Variants in SND1 observed in about 807,000 individuals in gnomAD.
The protein encoded by SND1 is staphylococcal nuclease and tudor domain containing 1, also known as staphylococcal nuclease domain-containing protein 1.
Under a neutral mutation model 121.7 loss-of-function variants are expected in SND1, and 38 were observed. The observed-to-expected ratio is 0.31, with a 90% CI of 0.24 to 0.41. The LOEUF is 0.41. Ranked by LOEUF, SND1 falls within the 10% of genes least tolerant of loss-of-function variation. The pLI, the probability that SND1 is intolerant of heterozygous loss-of-function variation, is 1.00. For synonymous variants in SND1, 401 were observed against 447.4 expected, an observed-to-expected ratio of 0.90 and a Z score of 1.31; for missense variants, 868 against 1,184.6, an observed-to-expected ratio of 0.73 and a Z score of 3.92.
chr7:127,993,572 G>A (rs535308407), intron 16 of SND1, among the ~76,000 whole-genome samples: 2 of 152,386 alleles, frequency 1.3e-5, no homozygotes, highest in African/African-American at 4.8e-5. Flanking sequence ...CTGAGCCACC[G>A]CTGGGATGGC....
At chr7:127,772,664 T>G (rs1797535564) in intron 10 of SND1, among the ~76,000 whole-genome samples, 1 of 151,722 alleles carries the variant, frequency 6.6e-6, no homozygotes, top group African/African-American at 2.4e-5. Flanking sequence ...TGATACTTGT[T>G]TACATGCTGC....
intron 10 of SND1, among the ~76,000 whole-genome samples, chr7:127,780,821 T>C (rs1190010943): frequency 6.6e-6 from 1 of 152,268 alleles, no homozygotes; most frequent in Non-Finnish European, 1.5e-5. Flanking sequence ...GCAGTCTATC[T>C]CCTAAAGAAT....
At chr7:128,050,402 C>T (rs116294911) in intron 16 of SND1, among the ~76,000 whole-genome samples, 1 of 152,190 alleles carries the variant, frequency 6.6e-6, no homozygotes, top group Non-Finnish European at 1.5e-5. Flanking sequence ...ATAACTTATC[C>T]TCACAGCATT....
chr7:127,689,730 A>G (rs1188570361), intron 2 of SND1, among the ~76,000 whole-genome samples: 3 of 152,154 alleles, frequency 2.0e-5, no homozygotes, highest in Admixed American at 2.0e-4. Context: ...GATCCCTGTG[A>G]GATGAAATAT....
chr7:128,010,861 C>G lies in SND1; in HGVS notation c.1779+19805C>G, dbSNP rs375186144. Among the ~76,000 whole-genome samples, 708 of 152,334 alleles carry G rather than the reference C, an allele frequency of 4.6e-3. 6 individuals are homozygous for G. Among genetic ancestry groups the G allele is most frequent in the African/African-American group, 0.016 (674 of 41,568 alleles). On this transcript the variant is annotated intron_variant, in intron 16 of 23. Transcript: ENST00000354725. ...TGCTCCAAGGATTGGCCCCAGCCCC[C>G]CAGAGCCCCTGTGGAGCCGCCAACA...
chr7:128,090,081 C>T (rs1482688961), intron 22 of SND1, among the ~76,000 whole-genome samples: 1 of 152,120 alleles, frequency 6.6e-6, no homozygotes, highest in Admixed American at 6.5e-5. Context: ...AGTGCCACCC[C>T]GAGCCAGAGC....
At chr7:127,696,443 G>T (rs1032593101) in intron 3 of SND1, among the ~76,000 whole-genome samples, 1 of 152,148 alleles carries the variant, frequency 6.6e-6, no homozygotes, top group Non-Finnish European at 1.5e-5. Flanking sequence ...TTATAATATA[G>T]TAAGAAACAA....
chr7:127,662,110 A>G (rs1458386035), intron 1 of SND1, among the ~76,000 whole-genome samples: 3 of 151,840 alleles, frequency 2.0e-5, no homozygotes, highest in Admixed American at 6.6e-5. Context: ...AGGAAGACAC[A>G]GTCTCAAAAA....
At chr7:127,861,360 A>G (rs1258055108) in intron 12 of SND1, among the ~76,000 whole-genome samples, 6 of 151,984 alleles carry the variant, frequency 3.9e-5, no homozygotes, top group East Asian at 3.9e-4. Context: ...AATTGGGACT[A>G]TTTTCTATAC....
At chr7:128,067,392 A>C (rs1419140820) in intron 16 of SND1, among the ~76,000 whole-genome samples, 1 of 152,188 alleles carries the variant, frequency 6.6e-6, no homozygotes, top group East Asian at 1.9e-4. Context: ...GAAATGATGG[A>C]GAATTCTGCC....
At chr7:127,661,229 T>A (rs1795305521) in intron 1 of SND1, among the ~76,000 whole-genome samples, 1 of 152,294 alleles carries the variant, frequency 6.6e-6, no homozygotes, top group African/African-American at 2.4e-5. Flanking sequence ...TTATAGTGAC[T>A]CAGATCCTAT....
chr7:127,684,189 A>G (rs142470038), intron 1 of SND1, among the ~76,000 whole-genome samples: 259 of 152,332 alleles, frequency 1.7e-3, no homozygotes, highest in African/African-American at 5.9e-3. Flanking sequence ...GGCTAGGTCA[A>G]TGCTTGCTTA....
chr7:127,706,814 A>G (rs549117999), intron 8 of SND1, among the ~76,000 whole-genome samples: 71 of 152,334 alleles, frequency 4.7e-4, no homozygotes, highest in African/African-American at 1.7e-3. Flanking sequence ...TTTTACAACT[A>G]CTACATCCTG....
chr7:128,075,349 C>T (rs1455125430), intron 17 of SND1, among the ~76,000 whole-genome samples: 1 of 152,216 alleles, frequency 6.6e-6, no homozygotes, highest in Non-Finnish European at 1.5e-5. Flanking sequence ...ACCAATTTGT[C>T]AGGGCTTCTC....
At position 128,084,772 on chromosome 7, in the gene SND1, G is replaced by A; in HGVS notation, c.2159G>A (p.Ser720Asn). Residue 720 changes from serine (S) to asparagine (N), a missense_variant, in exon 19 of 24, where the codon AGT (serine) becomes AAT (asparagine). Ser to Asn is a conservative substitution (Grantham distance 46, BLOSUM62 1). Around this residue, in one of 2 missense-constraint regions of SND1, gnomAD observed 743 missense variants for 1,071.3 expected, o/e 0.69. Transcript: ENST00000354725. ...LMENMRNDIASHPPVEGSYAP... is the reference protein window; with the variant it reads ...LMENMRNDIANHPPVEGSYAP... ...GAGAACATGCGCAATGACATTGCCA[G>A]TCACCCCCCTGTAGAGGGCTCCTAT... 1 of 1,610,930 alleles carries A rather than the reference G, an allele frequency of 6.2e-7. No individual in the cohort carries two copies. The highest frequency in any genetic ancestry group is 8.5e-7 in the Non-Finnish European group (1 of 1,177,980).
chr7:127,972,433 A>C (rs550412159), intron 15 of SND1, among the ~76,000 whole-genome samples: 2 of 151,336 alleles, frequency 1.3e-5, no homozygotes, highest in African/African-American at 4.9e-5. Flanking sequence ...TAATTTTTAT[A>C]TTTTTTATAG....
intron 14 of SND1, among the ~76,000 whole-genome samples, chr7:127,926,223 A>T (rs1800829548): frequency 6.6e-6 from 1 of 152,182 alleles, no homozygotes; most frequent in African/African-American, 2.4e-5. Flanking sequence ...GGAACATGCC[A>T]AGCAAAAAAA....
intron 10 of SND1, among the ~76,000 whole-genome samples, chr7:127,760,826 A>G (rs755319116): frequency 1.5e-4 from 23 of 152,170 alleles, no homozygotes; most frequent in Non-Finnish European, 2.9e-4. Flanking sequence ...GCCTTCAAGC[A>G]CTGAGGCCCT....
intron 15 of SND1, among the ~76,000 whole-genome samples, chr7:127,978,811 C>G (rs553077235): frequency 6.6e-6 from 1 of 152,074 alleles, no homozygotes; most frequent in Non-Finnish European, 1.5e-5. Flanking sequence ...GTCAGCCTGC[C>G]GAGTAGCTGG....
Sources: gnomAD v4.1 joint callset for allele counts (sites outside exome capture counted in the v4.1 genomes callset) on GRCh38, gnomAD v4.1.1 for gene constraint, gnomAD v4.1.1 regional missense constraint, MANE v1.5 for transcripts, NCBI Gene and HGNC (gene_info 2026-07-23, HGNC 2026-07-21) for gene names.